EPB41: variants seen among roughly 807,000 people sequenced by gnomAD.
The protein encoded by EPB41 is erythrocyte membrane protein band 4.1.
EPB41 carries 65 observed loss-of-function variants against 108.0 expected under a neutral mutation model. The ratio of observed to expected loss-of-function variants is 0.60; its 90% CI spans 0.49 to 0.74. The LOEUF (loss-of-function observed/expected upper bound fraction) is 0.74. Ranked by LOEUF, EPB41 falls within the 30% of genes least tolerant of loss-of-function variation. EPB41 has a pLI of 0.00. For missense variants in EPB41, 875 were observed against 1,037.0 expected (o/e 0.84, Z 2.15); for synonymous variants, 336 against 358.9 (o/e 0.94, Z 0.72).
chr1:28,996,661 A>G (rs1399474027), intron 3 of EPB41, among the ~76,000 whole-genome samples: 2 of 152,378 alleles, frequency 1.3e-5, no homozygotes, highest in South Asian at 4.1e-4. Flanking sequence ...TTGTAACACA[A>G]TTTCTAAACT....
intron 1 of EPB41, among the ~76,000 whole-genome samples, chr1:28,890,286 C>T (rs204086): frequency 0.64 from 96,460 of 151,828 alleles, 31,337 homozygotes; most frequent in East Asian, 0.91. Context: ...GATCTGCCCA[C>T]CTCGGCCTCC....
intron 11 of EPB41, 86 bp from the exon 12 acceptor site, chr1:29,053,018 A>G: frequency 7.0e-7 from 1 of 1,420,680 alleles, no homozygotes; most frequent in South Asian, 1.2e-5. Flanking sequence ...TGTATCCTGG[A>G]TTCACAATTA....
Position 29,018,554 on chromosome 1 carries a change from C to A in EPB41, c.1124+112C>A. 2 of 1,085,392 alleles carry A rather than the reference C, an allele frequency of 1.8e-6. No individual in the cohort carries two copies. The highest frequency in any genetic ancestry group is 2.8e-6 in the Non-Finnish European group (2 of 712,588). 67.2% of individuals were successfully genotyped at this position (1,085,392 alleles called of 1,614,324 possible). A position where few individuals can be genotyped will look rare whatever the true frequency, so the allele number is the denominator to read the frequency against. On this transcript the variant is annotated intron_variant, in intron 7 of 20. Coordinates refer to ENST00000343067, the MANE Select transcript of EPB41 (RefSeq NM_001376013.1). This position sits in a 1 kb window ranked among gnomAD's most constrained non-coding sequence, Gnocchi z 4.4. ...GGGATCATGGTGCCATAGAAAGAGTCAGTTTCCTCCACTGTTTGACTTTGG... is the reference window on the plus strand; with the variant it reads ...GGGATCATGGTGCCATAGAAAGAGTAAGTTTCCTCCACTGTTTGACTTTGG...
At chr1:29,045,520 A>ATTT (rs757532981) in intron 11 of EPB41, among the ~76,000 whole-genome samples, 1 of 137,206 alleles carries the variant, frequency 7.3e-6, no homozygotes, top group Non-Finnish European at 1.6e-5. Context: ...TGCCCAGCTA[A>ATTT]TTTTTTTTTT....
At chr1:29,039,548 T>TA (rs1192629323) in intron 11 of EPB41, 122 bp downstream of exon 11, 1 of 1,281,974 alleles carries the variant, frequency 7.8e-7, no homozygotes, top group African/African-American at 1.5e-5. Flanking sequence ...TGCAGTGGCT[T>TA]ACACCTGTAA....
intron 1 of EPB41, among the ~76,000 whole-genome samples, chr1:28,892,168 C>T (rs1312845494): frequency 6.7e-6 from 1 of 150,266 alleles, no homozygotes; most frequent in Non-Finnish European, 1.5e-5. Flanking sequence ...TTGTACTCAA[C>T]TTCACCTCTC....
chr1:28,984,398 T>A (rs907497971), intron 1 of EPB41, among the ~76,000 whole-genome samples: 11 of 152,214 alleles, frequency 7.2e-5, no homozygotes, highest in African/African-American at 2.7e-4. Flanking sequence ...TTATTTTGAA[T>A]TTTTCTTTCA....
intron 1 of EPB41, among the ~76,000 whole-genome samples, chr1:28,983,449 A>G (rs1484350836): frequency 2.0e-5 from 3 of 152,166 alleles, no homozygotes; most frequent in Non-Finnish European, 2.9e-5. Flanking sequence ...AGCATTGGCA[A>G]CATCTTATTA....
At chr1:28,897,789 C>T (rs1029917491) in intron 1 of EPB41, among the ~76,000 whole-genome samples, 3 of 152,126 alleles carry the variant, frequency 2.0e-5, no homozygotes, top group African/African-American at 7.2e-5. Context: ...GTTTTGCTTG[C>T]CTCGAAGATT....
chr1:28,947,691 C>T (rs1165429807), intron 1 of EPB41, among the ~76,000 whole-genome samples: 3 of 151,758 alleles, frequency 2.0e-5, no homozygotes, highest in Non-Finnish European at 4.4e-5. Flanking sequence ...CTGGGTGTGG[C>T]GGCACATCCT....
intron 1 of EPB41, among the ~76,000 whole-genome samples, chr1:28,893,087 G>A (rs1476175178): frequency 1.3e-5 from 2 of 151,900 alleles, no homozygotes; most frequent in African/African-American, 4.8e-5. Flanking sequence ...CAAGTGTCAG[G>A]TTCTTTTATT....
chr1:29,069,238 G>T, intron 16 of EPB41: 1 of 1,231,566 alleles, frequency 8.1e-7, no homozygotes, highest in South Asian at 4.1e-5. Context: ...CTTCCAAACT[G>T]ATCAGAGAAG....
At chr1:28,901,280 A>G (rs1488868251) in intron 1 of EPB41, among the ~76,000 whole-genome samples, 1 of 143,554 alleles carries the variant, frequency 7.0e-6, no homozygotes, top group Non-Finnish European at 1.5e-5. Context: ...GCTGGAGTGC[A>G]GTGGCATGAT....
intron 1 of EPB41, among the ~76,000 whole-genome samples, chr1:28,960,281 G>T (rs1357729168): frequency 6.6e-6 from 1 of 151,872 alleles, no homozygotes. Flanking sequence ...AAAGTGTTGG[G>T]ATTACAGGTG....
chr1:29,086,644 G>A (rs1385917825), intron 16 of EPB41, among the ~76,000 whole-genome samples: 2 of 152,026 alleles, frequency 1.3e-5, no homozygotes, highest in African/African-American at 4.8e-5. Flanking sequence ...AAGAAATGAA[G>A]CATAACTGAT....
intron 1 of EPB41, among the ~76,000 whole-genome samples, chr1:28,892,299 G>A (rs1409771729): frequency 1.3e-5 from 2 of 151,954 alleles, no homozygotes; most frequent in African/African-American, 4.8e-5. Context: ...GCTTCTGAAT[G>A]GTTTACTGTG....
chr1:29,065,966 CAAA>C (rs71022389), intron 16 of EPB41: 41 of 90,980 alleles, frequency 4.5e-4, no homozygotes, highest in Non-Finnish European at 6.8e-4. Context: ...GACCCTGTCT[CAAA>C]AAAAAAAAAA....
intron 1 of EPB41, among the ~76,000 whole-genome samples, chr1:28,982,028 A>G (rs1026156519): frequency 3.3e-5 from 5 of 151,810 alleles, no homozygotes; most frequent in Non-Finnish European, 7.4e-5. Flanking sequence ...TATATCTCCT[A>G]ATGCTATCCC....
intron 1 of EPB41, among the ~76,000 whole-genome samples, chr1:28,897,872 G>A (rs1210937730): frequency 6.6e-6 from 1 of 152,144 alleles, no homozygotes; most frequent in Non-Finnish European, 1.5e-5. Context: ...GGGCACAAAG[G>A]TGACTCACTC....
Sources: allele counts gnomAD v4.1 joint callset (sites outside exome capture counted in the v4.1 genomes callset), GRCh38; gene constraint gnomAD v4.1.1; non-coding constraint Gnocchi (gnomAD v3.1); transcripts MANE v1.5; gene names NCBI Gene and HGNC (gene_info 2026-07-23, HGNC 2026-07-21).